LMO7: variants seen among roughly 807,000 people sequenced by gnomAD.
LMO7 encodes LIM domain 7, also known as LIM domain only protein 7.
LMO7 carries 120 observed loss-of-function variants against 206.5 expected under a neutral mutation model. The observed-to-expected ratio is 0.58, with a 90% CI of 0.50 to 0.68. The LOEUF is 0.68. Among genes scored for constraint, LMO7 ranks in the 30% least tolerant of loss-of-function variants. The probability of loss-of-function intolerance (pLI) is 0.00; values close to 1 mark genes in which losing one functional copy is unlikely to be tolerated. For synonymous variants in LMO7, 706 were observed against 681.5 expected, an observed-to-expected ratio of 1.04 and a Z score of -0.56; for missense variants, 1,959 against 1,957.9, an observed-to-expected ratio of 1.00 and a Z score of -0.01.
chr13:75,689,769 C>T (rs2041305703), intron 1 of LMO7, among the ~76,000 whole-genome samples: 1 of 152,208 alleles, frequency 6.6e-6, no homozygotes, highest in South Asian at 2.1e-4. Context: ...TTTGCCATGG[C>T]TCTCGGGCCT....
chr13:75,845,971 T>C (rs530528998), intron 26 of LMO7, among the ~76,000 whole-genome samples: 1 of 152,174 alleles, frequency 6.6e-6, no homozygotes, highest in Non-Finnish European at 1.5e-5. Flanking sequence ...TTTACATGAA[T>C]GAATGAAGGT....
At chr13:75,624,795 C>T (rs905692918) in intron 2 of LMO7, among the ~76,000 whole-genome samples, 22 of 152,184 alleles carry the variant, frequency 1.4e-4, no homozygotes, top group African/African-American at 5.3e-4. Flanking sequence ...TCAATTACCT[C>T]CCACCAGGTT....
At chr13:75,817,133 G>T (rs763362566) in intron 11 of LMO7, 28 bp from the exon 12 acceptor site, 3 of 1,531,516 alleles carry the variant, frequency 2.0e-6, no homozygotes, top group Admixed American at 3.4e-5. Flanking sequence ...GTGAACTTCC[G>T]TAGTAACCAT....
At chr13:75,734,096 A>C (rs533229539) in intron 3 of LMO7, among the ~76,000 whole-genome samples, 23 of 152,316 alleles carry the variant, frequency 1.5e-4, no homozygotes, top group African/African-American at 5.5e-4. Flanking sequence ...GTCCTGTGTG[A>C]GGTTGCACAA....
At chr13:75,830,544 C>G (rs1029932494) in intron 15 of LMO7, among the ~76,000 whole-genome samples, 1 of 152,200 alleles carries the variant, frequency 6.6e-6, no homozygotes, top group Non-Finnish European at 1.5e-5. Context: ...CTCCTCTTTG[C>G]CTGTGTTCTG....
intron 3 of LMO7, among the ~76,000 whole-genome samples, chr13:75,740,746 C>G (rs543904557): frequency 1.2e-4 from 19 of 152,296 alleles, no homozygotes; most frequent in African/African-American, 4.6e-4. Context: ...TGGGCTGATT[C>G]TGGCTGTCAT....
intron 11 of LMO7, among the ~76,000 whole-genome samples, chr13:75,809,633 C>T (rs1247005466): frequency 2.6e-5 from 4 of 152,012 alleles, no homozygotes; most frequent in Non-Finnish European, 4.4e-5. Context: ...TGACATTATC[C>T]TATAATCGGC....
intron 3 of LMO7, among the ~76,000 whole-genome samples, chr13:75,733,620 T>C (rs891100465): frequency 3.9e-5 from 6 of 152,012 alleles, no homozygotes; most frequent in Non-Finnish European, 7.4e-5. Flanking sequence ...TCATGCATCG[T>C]GCACTGCACC....
chr13:75,625,133 A>G (rs919918079), intron 2 of LMO7, among the ~76,000 whole-genome samples: 10 of 152,208 alleles, frequency 6.6e-5, no homozygotes, highest in African/African-American at 2.4e-4. Flanking sequence ...TCCCAAGGTC[A>G]AACAGTTATT....
Position 75,800,690 on chromosome 13 carries a change from G to T in LMO7, c.469G>T (p.Glu157Ter), listed in dbSNP as rs200309758. 6.2e-7 allele frequency: 1 copy of T among 1,613,856 alleles called. No homozygotes were observed. Among genetic ancestry groups the T allele is most frequent in the Non-Finnish European group, 8.5e-7 (1 of 1,179,826 alleles). ...LLGQALTKALEDSSFLKRSGR... is the reference protein window; with the variant it reads ...LLGQALTKAL The stretch of plus-strand genomic sequence containing the variant: ...TAAAAAACGTTTTCTTTAGGCACTC[G>T]AAGACTCCAGCTTCCTGAAAAGAAG... The change falls in exon 7 of 31, where the codon GAA (glutamate) becomes TAA (stop). Residue 157 changes from glutamate (E) to a stop codon, truncating the protein, a stop_gained. Transcript: ENST00000377534. LOFTEE classifies it high-confidence loss of function.
chr13:75,796,566 C>A, intron 5 of LMO7, 70 bp from the exon 6 acceptor site: 1 of 821,342 alleles, frequency 1.2e-6, no homozygotes. Flanking sequence ...ACAGTACTCA[C>A]CTATATTTGA....
intron 3 of LMO7, among the ~76,000 whole-genome samples, chr13:75,758,090 C>G (rs893764435): frequency 3.9e-5 from 6 of 152,200 alleles, no homozygotes; most frequent in Middle Eastern, 3.4e-3. Flanking sequence ...AATGTTAACT[C>G]TCTTTCCAAA....
chr13:75,620,766 T>C (rs1296582994), exon 1 of LMO7: 1 of 152,154 alleles, frequency 6.6e-6, no homozygotes, highest in East Asian at 1.9e-4. Context: ...ATTGATAAGC[T>C]TTCCCACTAA....
chr13:75,691,117 G>A (rs1004497419), intron 1 of LMO7, among the ~76,000 whole-genome samples: 3 of 152,130 alleles, frequency 2.0e-5, no homozygotes, highest in Non-Finnish European at 2.9e-5. Context: ...AGTCCAATTG[G>A]AGTGTACTCT....
At chr13:75,782,794 C>T (rs1377573822) in intron 4 of LMO7, among the ~76,000 whole-genome samples, 1 of 152,200 alleles carries the variant, frequency 6.6e-6, no homozygotes, top group East Asian at 1.9e-4. Flanking sequence ...AATCCCTTCT[C>T]CTCTACAACA....
Position 75,707,963 on chromosome 13 carries a change from T to C in LMO7, c.70-5219T>C, listed in dbSNP as rs188965258. ...GGATAGTTGGGTTTTCTGAATAGCT[T>C]TGAATATTCCATTTTGCCCACTTTA... On this transcript the variant is annotated intron_variant, in intron 1 of 30. Coordinates refer to ENST00000377534, the MANE Select transcript of LMO7 (RefSeq NM_001306080.2). Among the ~76,000 whole-genome samples the C allele has an allele frequency of 3.4e-3, 511 of 152,268 alleles. 3 individuals carry two copies. The highest frequency in any genetic ancestry group is 0.017 in the Middle Eastern group (5 of 294).
At chr13:75,706,821 T>C (rs2042694503) in intron 1 of LMO7, among the ~76,000 whole-genome samples, 1 of 152,184 alleles carries the variant, frequency 6.6e-6, no homozygotes, top group Admixed American at 6.5e-5. Flanking sequence ...CTTTAGAGTC[T>C]AATGTAGTTG....
In LMO7 at chr13:75,661,529, G is replaced by A. The variant is rs988699062; in HGVS notation, c.69+24803G>A. 5.3e-5 allele frequency among the ~76,000 whole-genome samples: 8 copies of A among 152,224 alleles called. No individual in the cohort carries two copies. In the East Asian group the frequency reaches 1.5e-3, roughly 29 times the overall value. On this transcript the variant is annotated intron_variant, in intron 1 of 30. Transcript: ENST00000377534. Reference sequence around the variant, plus strand: ...TTCAATTGGAGCAATGAGGGAATATGGTCAGATGTGGACACCAGAAGTAAG... The same window carrying A: ...TTCAATTGGAGCAATGAGGGAATATAGTCAGATGTGGACACCAGAAGTAAG...
intron 1 of LMO7, among the ~76,000 whole-genome samples, chr13:75,662,575 TC>T: frequency 6.6e-6 from 1 of 152,338 alleles, no homozygotes; most frequent in South Asian, 2.1e-4. Context: ...TGCTTAGGCC[TC>T]CCAAAGTGTT....
Sources: gnomAD v4.1 joint callset for allele counts (sites outside exome capture counted in the v4.1 genomes callset) on GRCh38, gnomAD v4.1.1 for gene constraint, MANE v1.5 for transcripts, NCBI Gene and HGNC (gene_info 2026-07-23, HGNC 2026-07-21) for gene names.